The following BRINP3 variants were observed in gnomAD, a reference collection of about 807,000 sequenced individuals.
The protein encoded by BRINP3 is BMP/retinoic acid-inducible neural-specific protein 3.
BRINP3 carries 19 observed loss-of-function variants against 71.0 expected under a neutral mutation model. The observed-to-expected ratio is 0.27, with a 90% CI of 0.19 to 0.39. The LOEUF (loss-of-function observed/expected upper bound fraction) is 0.39, where lower values mean the gene tolerates loss of function less well. BRINP3 is among the 10% of genes least tolerant of loss of function. The pLI is 1.00. For synonymous variants in BRINP3, 380 were observed against 337.7 expected (o/e 1.13, Z -1.37); for missense variants, 959 against 940.8 (o/e 1.02, Z -0.25).
At chr1:190,380,266 G>C (rs2102242489) in intron 2 of BRINP3, among the ~76,000 whole-genome samples, 1 of 152,234 alleles carries the variant, frequency 6.6e-6, no homozygotes, top group African/African-American at 2.4e-5. Context: ...ATGAGGGAAA[G>C]TGGGGATACC....
intron 2 of BRINP3, among the ~76,000 whole-genome samples, chr1:190,415,883 GGTGACAGAGTAAGAACTC>G (rs1404921329): frequency 6.6e-6 from 1 of 152,040 alleles, no homozygotes; most frequent in Non-Finnish European, 1.5e-5. Context: ...CGCCAAGCTG[GGTGACAGAGTAAGAACTC>G]GTTTCTTAAA....
At chr1:190,404,297 T>C (rs1025014623) in intron 2 of BRINP3, among the ~76,000 whole-genome samples, 2 of 152,056 alleles carry the variant, frequency 1.3e-5, no homozygotes, top group African/African-American at 2.4e-5. Context: ...GGAAGAAAAA[T>C]GAATTCATTA....
intron 4 of BRINP3, among the ~76,000 whole-genome samples, chr1:190,240,469 A>G (rs1457837612): frequency 6.6e-6 from 1 of 152,090 alleles, no homozygotes; most frequent in East Asian, 1.9e-4. Context: ...TTTCTTTTAA[A>G]ACAGTTTGTT....
intron 2 of BRINP3, among the ~76,000 whole-genome samples, chr1:190,323,274 C>A (rs898899704): frequency 6.6e-6 from 1 of 151,974 alleles, no homozygotes; most frequent in African/African-American, 2.4e-5. Context: ...TATAATTTTT[C>A]TTGTTAGCAT....
chr1:190,113,660 T>C (rs1039121933), intron 7 of BRINP3, among the ~76,000 whole-genome samples: 2 of 152,150 alleles, frequency 1.3e-5, no homozygotes, highest in South Asian at 2.1e-4. Flanking sequence ...TGTTTATAAA[T>C]GAGAAAGCTG....
chr1:190,262,503 A>G (rs535663530), intron 4 of BRINP3, among the ~76,000 whole-genome samples: 3 of 152,232 alleles, frequency 2.0e-5, no homozygotes, highest in African/African-American at 7.2e-5. Flanking sequence ...TCTGTTCACA[A>G]TGATATAGAC....
intron 2 of BRINP3, among the ~76,000 whole-genome samples, chr1:190,403,842 A>G (rs1202763734): frequency 1.3e-5 from 2 of 152,212 alleles, no homozygotes; most frequent in Non-Finnish European, 2.9e-5. Flanking sequence ...ATAACTTTTC[A>G]TTCCTTCAAA....
At chr1:190,219,846 A>AAAT (rs200041522) in intron 6 of BRINP3, among the ~76,000 whole-genome samples, 80 of 150,786 alleles carry the variant, frequency 5.3e-4, no homozygotes, top group African/African-American at 1.8e-3. Flanking sequence ...AAAAAAATTA[A>AAAT]AATAATAATA....
At chr1:190,406,635 G>A (rs549531814) in intron 2 of BRINP3, among the ~76,000 whole-genome samples, 1 of 152,200 alleles carries the variant, frequency 6.6e-6, no homozygotes, top group South Asian at 2.1e-4. Context: ...TGTATGCTGA[G>A]AACGCAGTTT....
At chr1:190,371,844 CAG>C (rs755218441) in intron 2 of BRINP3, among the ~76,000 whole-genome samples, 93 of 152,192 alleles carry the variant, frequency 6.1e-4, no homozygotes, top group Non-Finnish European at 1.1e-3. Flanking sequence ...TGAAGACATT[CAG>C]AGAGTCTCCG....
At position 190,160,815 on chromosome 1, in the gene BRINP3, G is replaced by A; in HGVS notation, c.1037C>T (p.Thr346Ile). The A allele has an allele frequency of 6.2e-7, 1 of 1,613,456 alleles. No homozygotes were observed. The highest frequency in any genetic ancestry group is 8.5e-7 in the Non-Finnish European group (1 of 1,179,642). ...ACGGCGCTGAAAATTAGAATCCATTGTCCACAAATGCATTATAGTAGATGT... is the reference window on the plus strand; with the variant it reads ...ACGGCGCTGAAAATTAGAATCCATTATCCACAAATGCATTATAGTAGATGT... ...LNTSTIMHLW[T>I]MDSNFQRRYE... The change falls in exon 7 of 8, where the codon ACA becomes ATA. Residue 346 changes from threonine to isoleucine, a missense_variant. Physicochemically the swap from Thr to Ile is moderately conservative, Grantham distance 89. Coordinates refer to ENST00000367462, the MANE Select transcript of BRINP3 (RefSeq NM_199051.3).
intron 2 of BRINP3, among the ~76,000 whole-genome samples, chr1:190,448,552 T>C (rs947053301): frequency 2.0e-5 from 3 of 151,636 alleles, no homozygotes; most frequent in Admixed American, 2.0e-4. Context: ...ACAGTTATGT[T>C]TTTTTAATTT....
intron 2 of BRINP3, among the ~76,000 whole-genome samples, chr1:190,446,637 G>T (rs549338127): frequency 1.2e-3 from 184 of 152,134 alleles, no homozygotes; most frequent in Non-Finnish European, 2.1e-3. Context: ...TATTTGTTCT[G>T]ATGTTTCCAT....
At chr1:190,451,003 T>C (rs1290565024) in intron 2 of BRINP3, among the ~76,000 whole-genome samples, 1 of 152,144 alleles carries the variant, frequency 6.6e-6, no homozygotes, top group African/African-American at 2.4e-5. Context: ...GTCATAACAT[T>C]CACCTCAATT....
At chr1:190,352,256 A>C (rs1668437022) in intron 2 of BRINP3, among the ~76,000 whole-genome samples, 1 of 152,098 alleles carries the variant, frequency 6.6e-6, no homozygotes, top group Non-Finnish European at 1.5e-5. Flanking sequence ...CCAAAAATAT[A>C]GTTAAACACA....
chr1:190,452,884 G>C (rs1675714657), intron 2 of BRINP3, among the ~76,000 whole-genome samples: 1 of 152,058 alleles, frequency 6.6e-6, no homozygotes, highest in Non-Finnish European at 1.5e-5. Flanking sequence ...AACATGTCAA[G>C]CCATGTTTGC....
At chr1:190,263,550 C>T (rs761215335) in intron 4 of BRINP3, among the ~76,000 whole-genome samples, 4 of 151,776 alleles carry the variant, frequency 2.6e-5, no homozygotes, top group African/African-American at 9.7e-5. Flanking sequence ...AGCATTCTAA[C>T]CCATTTATGG....
At chr1:190,168,833 C>A (rs978831947) in intron 6 of BRINP3, among the ~76,000 whole-genome samples, 19 of 152,140 alleles carry the variant, frequency 1.2e-4, no homozygotes, top group African/African-American at 4.6e-4. Context: ...GATGTGGTAG[C>A]TTTACCATTG....
At chr1:190,137,752 G>A (rs1335240097) in intron 7 of BRINP3, among the ~76,000 whole-genome samples, 1 of 152,110 alleles carries the variant, frequency 6.6e-6, no homozygotes, top group Non-Finnish European at 1.5e-5. Context: ...GTTTTAAAGA[G>A]TGGATGATAT....
Sources: allele counts gnomAD v4.1 joint callset (sites outside exome capture counted in the v4.1 genomes callset), GRCh38; gene constraint gnomAD v4.1.1; transcripts MANE v1.5; gene names NCBI Gene and HGNC (gene_info 2026-07-23, HGNC 2026-07-21).